TTC28: variants seen among roughly 807,000 people sequenced by gnomAD.
TTC28 encodes the protein tetratricopeptide repeat domain 28, also known as tetratricopeptide repeat protein 28.
Under a neutral mutation model 198.0 loss-of-function variants are expected in TTC28, and 61 were observed. That is an observed-to-expected ratio of 0.31 (90% CI 0.25 to 0.38). The LOEUF (loss-of-function observed/expected upper bound fraction) is 0.38. Among genes scored for constraint, TTC28 ranks in the 10% least tolerant of loss-of-function variants. The pLI is 1.00. For missense variants in TTC28, 2,678 were observed against 3,164.0 expected (o/e 0.85, Z 3.69); for synonymous variants, 1,171 against 1,297.8 (o/e 0.90, Z 2.10).
intron 2 of TTC28, among the ~76,000 whole-genome samples, chr22:28,489,038 C>T (rs1469677876): frequency 2.6e-5 from 4 of 152,126 alleles, no homozygotes; most frequent in Non-Finnish European, 5.9e-5. Context: ...AATCCCAGCA[C>T]TTTCAGAGGC....
chr22:28,170,781 C>G (rs1922596182), intron 5 of TTC28, among the ~76,000 whole-genome samples: 2 of 151,988 alleles, frequency 1.3e-5, no homozygotes, highest in Admixed American at 1.3e-4. Context: ...TTGGATGAGT[C>G]TCAGAGGAAA....
rs777918168 is a variant in TTC28 at position 27,999,103 on chromosome 22, C to A, written c.4556G>T (p.Gly1519Val). The A allele has an allele frequency of 5.2e-5, 80 of 1,550,378 alleles. No homozygotes were observed. The highest frequency in any genetic ancestry group is 6.8e-5 in the Non-Finnish European group (78 of 1,147,010). The part of the protein sequence containing the change: ...EEAYMVSELL[G>V]CQPLVGSVAT... ...CACACTGCCCACTAGGGGCTGGCAG[C>A]CCAGCAGCTCGGACACCATGTAGGC... Residue 1519 changes from glycine (G) to valine (V), a missense_variant, in exon 16 of 23, where the codon GGC becomes GTC. Transcript: ENST00000397906.
chr22:28,008,842 G>A (rs898346187), intron 14 of TTC28, among the ~76,000 whole-genome samples: 3 of 152,196 alleles, frequency 2.0e-5, no homozygotes, highest in Non-Finnish European at 4.4e-5. Context: ...AGGGAGGGAC[G>A]CTGGAGAGAA....
chr22:28,173,628 C>G (rs1922891727), intron 5 of TTC28, among the ~76,000 whole-genome samples: 1 of 152,086 alleles, frequency 6.6e-6, no homozygotes, highest in Non-Finnish European at 1.5e-5. Flanking sequence ...GCTCTGTGAC[C>G]TGAATATTTG....
In TTC28 at chr22:28,243,476, A is replaced by G. The variant is rs764684692; in HGVS notation, c.933+52722T>C. On this transcript the variant is annotated intron_variant, in intron 5 of 22. Transcript: ENST00000397906. ...TTATTTGTATTTTACAAAAGTGCTA[A>G]TCTGTGATGGATTAGAAATTTAAGA... Among the ~76,000 whole-genome samples the G allele has an allele frequency of 6.0e-5, 9 of 151,186 alleles. 1 individual carries two copies. Among genetic ancestry groups the G allele is most frequent in the Non-Finnish European group, 1.2e-4 (8 of 67,926 alleles).
At chr22:28,568,766 C>T (rs933744743) in intron 2 of TTC28, among the ~76,000 whole-genome samples, 3 of 152,186 alleles carry the variant, frequency 2.0e-5, no homozygotes, top group African/African-American at 7.2e-5. Context: ...TTAAAATGGT[C>T]ATACTGCCCA....
chr22:28,025,041 G>A (rs1938772527), intron 13 of TTC28, among the ~76,000 whole-genome samples: 1 of 152,174 alleles, frequency 6.6e-6, no homozygotes, highest in Non-Finnish European at 1.5e-5. Context: ...GCAATCTTGG[G>A]GGTTCAAAGC....
At chr22:28,422,660 T>A (rs543645305) in intron 2 of TTC28, among the ~76,000 whole-genome samples, 1 of 152,138 alleles carries the variant, frequency 6.6e-6, no homozygotes, top group African/African-American at 2.4e-5. Flanking sequence ...TTAGCCAAGA[T>A]GGTCTCGATC....
chr22:28,397,820 G>A (rs532838991), intron 2 of TTC28, among the ~76,000 whole-genome samples: 3 of 152,278 alleles, frequency 2.0e-5, no homozygotes, highest in South Asian at 4.1e-4. Context: ...AGCCCCAGAT[G>A]TACAAAGGAA....
intron 1 of TTC28, among the ~76,000 whole-genome samples, chr22:28,673,580 A>C (rs191287326): frequency 2.6e-5 from 4 of 152,336 alleles, no homozygotes; most frequent in Admixed American, 2.6e-4. Context: ...GAATTGCATA[A>C]AGAGTATCAC....
intron 12 of TTC28, among the ~76,000 whole-genome samples, chr22:28,051,183 T>C (rs1249712511): frequency 6.6e-6 from 1 of 152,200 alleles, no homozygotes; most frequent in Non-Finnish European, 1.5e-5. Flanking sequence ...CCCTAGATCT[T>C]TTGTAAAACC....
chr22:28,335,126 G>A (rs868761319), intron 2 of TTC28, among the ~76,000 whole-genome samples: 1 of 152,100 alleles, frequency 6.6e-6, no homozygotes, highest in Non-Finnish European at 1.5e-5. Context: ...TTTCCCCATT[G>A]CTTGTTTTTG....
rs764673846 is a variant in TTC28 at position 27,983,739 on chromosome 22, G to A, written c.5928C>T (p.Pro1976=). Residue 1976 remains proline (P), a synonymous_variant, in exon 23 of 23, where the codon CCC becomes CCT. Transcript: ENST00000397906. The part of the protein sequence containing the change: ...NALPLGYQQP[P]FSPTGADSIA... ...TGCTGTCCGCACCGGTGGGAGAGAA[G>A]GGGGGTTGCTGGTAACCCAAGGGCA... 3.0e-5 allele frequency: 47 copies of A among 1,551,508 alleles called. 3 individuals carry two copies. In the South Asian group the frequency reaches 5.2e-4, roughly 17 times the overall value.
At chr22:28,258,902 AGTGTGTGTGTGT>A (rs34572491) in intron 5 of TTC28, among the ~76,000 whole-genome samples, 4 of 147,724 alleles carry the variant, frequency 2.7e-5, no homozygotes, top group Non-Finnish European at 6.0e-5. Flanking sequence ...TTGGTTAAAG[AGTGTGTGTGTGT>A]GTGTGTGTGT....
At position 28,107,809 on chromosome 22, in the gene TTC28, T is replaced by A; in HGVS notation, c.2036A>T (p.Asn679Ile). The change falls in exon 7 of 23, where the codon AAC becomes ATC. Residue 679 changes from asparagine to isoleucine, a missense_variant. Transcript: ENST00000397906. ...CAGAGCCTTGAATGCTAGGCCCAAGTTGCAGTAGGCTTTTGCTTGGCTCAA... is the reference window on the plus strand; with the variant it reads ...CAGAGCCTTGAATGCTAGGCCCAAGATGCAGTAGGCTTTTGCTTGGCTCAA... The part of the protein sequence containing the change: ...DKLSQAKAYC[N>I]LGLAFKALLN... 6.4e-7 allele frequency: 1 copy of A among 1,552,042 alleles called. No homozygotes were observed. Among genetic ancestry groups the A allele is most frequent in the Non-Finnish European group, 8.7e-7 (1 of 1,147,068 alleles).
intron 6 of TTC28, among the ~76,000 whole-genome samples, chr22:28,157,465 C>G (rs147662331): frequency 1.3e-5 from 2 of 152,042 alleles, no homozygotes; most frequent in Admixed American, 6.6e-5. Flanking sequence ...TACCCTGATA[C>G]GAAAACCAAA....
At chr22:28,556,385 T>G (rs1014263962) in intron 2 of TTC28, among the ~76,000 whole-genome samples, 3 of 152,146 alleles carry the variant, frequency 2.0e-5, no homozygotes, top group African/African-American at 4.8e-5. Context: ...TTCTCTTTCA[T>G]TCTTAAAAGA....
intron 14 of TTC28, among the ~76,000 whole-genome samples, chr22:28,011,528 C>T (rs1401914984): frequency 1.3e-5 from 2 of 152,022 alleles, no homozygotes; most frequent in African/African-American, 4.8e-5. Context: ...CCTGGGAGGT[C>T]GAGGCTGCAG....
intron 5 of TTC28, among the ~76,000 whole-genome samples, chr22:28,164,041 T>G (rs891183209): frequency 6.6e-6 from 1 of 152,212 alleles, no homozygotes; most frequent in African/African-American, 2.4e-5. Flanking sequence ...GGAGCCTTGC[T>G]CATTGCTAGC....
Sources: allele counts gnomAD v4.1 joint callset (sites outside exome capture counted in the v4.1 genomes callset), GRCh38; gene constraint gnomAD v4.1.1; transcripts MANE v1.5; gene names NCBI Gene and HGNC (gene_info 2026-07-23, HGNC 2026-07-21).